WASL: variants seen among roughly 807,000 people sequenced by gnomAD.
The protein encoded by WASL is actin nucleation-promoting factor WASL.
WASL carries 20 observed loss-of-function variants against 55.5 expected under a neutral mutation model. That is an observed-to-expected ratio of 0.36 (90% CI 0.25 to 0.52). The LOEUF (loss-of-function observed/expected upper bound fraction) is 0.52. WASL is among the 20% of genes least tolerant of loss of function. The pLI is 0.92. For synonymous variants in WASL, 249 were observed against 217.6 expected (o/e 1.14, Z -1.27); for missense variants, 504 against 622.5 (o/e 0.81, Z 2.03).
At chr7:123,730,393 A>G (rs1804117381) in intron 1 of WASL, among the ~76,000 whole-genome samples, 1 of 152,196 alleles carries the variant, frequency 6.6e-6, no homozygotes, top group African/African-American at 2.4e-5. Flanking sequence ...TAGATAAATA[A>G]AATTAATGAC....
chr7:123,705,188 G>A (rs1041450670), intron 4 of WASL, among the ~76,000 whole-genome samples: 1 of 152,178 alleles, frequency 6.6e-6, no homozygotes, highest in South Asian at 2.1e-4. Flanking sequence ...GATGGTAGCA[G>A]CAGAAATGGT....
rs1170033945 is a variant in WASL at position 123,702,198 on chromosome 7, G to C, written c.460+2436C>G. Among the ~76,000 whole-genome samples the C allele has an allele frequency of 2.6e-5, 4 of 152,120 alleles. No individual in the cohort carries two copies. In the East Asian group the frequency reaches 7.7e-4, roughly 29 times the overall value. On this transcript the variant is annotated intron_variant, in intron 5 of 10. Transcript: ENST00000223023. ...AGCCTCCCGAGTAGCTGGGATTACAGACATGCGCCACCATGCCCAGCTAAT... is the reference window on the plus strand; with the variant it reads ...AGCCTCCCGAGTAGCTGGGATTACACACATGCGCCACCATGCCCAGCTAAT...
At chr7:123,738,155 C>A (rs1017525261) in intron 1 of WASL, among the ~76,000 whole-genome samples, 1 of 138,254 alleles carries the variant, frequency 7.2e-6, no homozygotes, top group South Asian at 2.8e-4. Context: ...AAAACTATTA[C>A]ACCCATTAAT....
intron 1 of WASL, among the ~76,000 whole-genome samples, chr7:123,721,448 T>C (rs1803941016): frequency 1.3e-5 from 2 of 152,250 alleles, no homozygotes; most frequent in East Asian, 3.9e-4. Context: ...ACAGTTTAAA[T>C]TCAACATACA....
In WASL at chr7:123,699,903, G is replaced by A. The variant is rs542168198; in HGVS notation, c.461-3156C>T. Among the ~76,000 whole-genome samples, 43 of 151,978 alleles carry A rather than the reference G, an allele frequency of 2.8e-4. No homozygotes were observed. In the South Asian group the frequency reaches 3.1e-3, roughly 11 times the overall value. ...GTTAAAACATTATTTAAGGCCGGGC[G>A]CGGTGGCTCACGCCTGTAATCCCAG... On this transcript the variant is annotated intron_variant, in intron 5 of 10. Transcript: ENST00000223023.
Position 123,692,420 on chromosome 7 carries a change from T to C in WASL, c.1274A>G (p.Asn425Ser), listed in dbSNP as rs1803425106. The change falls in exon 9 of 11, where the codon AAC becomes AGC. Residue 425 changes from asparagine to serine, a missense_variant. Around this residue, in one of 5 missense-constraint regions of WASL, gnomAD observed 201 missense variants for 206.2 expected, o/e 0.97. Coordinates refer to ENST00000223023, the MANE Select transcript of WASL (RefSeq NM_003941.4). Reference sequence around the variant, plus strand: ...TCCAGAGCAGGACACTGGCCGACTGTTCTGCTCCACTTTTTTTAGCTGAGC... The same window carrying C: ...TCCAGAGCAGGACACTGGCCGACTGCTCTGCTCCACTTTTTTTAGCTGAGC... ...EGAQLKKVEQ[N>S]SRPVSCSGRD... The C allele has an allele frequency of 1.2e-6, 2 of 1,614,178 alleles. No individual in the cohort carries two copies. Among genetic ancestry groups the C allele is most frequent in the African/African-American group, 2.7e-5 (2 of 75,046 alleles).
chr7:123,730,559 A>T (rs1394472687), intron 1 of WASL, among the ~76,000 whole-genome samples: 2 of 152,184 alleles, frequency 1.3e-5, no homozygotes, highest in Non-Finnish European at 2.9e-5. Context: ...TGTAAACATA[A>T]GTATAACTGC....
chr7:123,711,079 C>A (rs980347238), intron 1 of WASL, among the ~76,000 whole-genome samples: 4 of 152,044 alleles, frequency 2.6e-5, no homozygotes, highest in Non-Finnish European at 4.4e-5. Context: ...AAATGAAGAT[C>A]TAAAAATCTC....
At chr7:123,743,964 C>A (rs1804389721) in intron 1 of WASL, among the ~76,000 whole-genome samples, 1 of 152,222 alleles carries the variant, frequency 6.6e-6, no homozygotes, top group Non-Finnish European at 1.5e-5. Context: ...CTATACTAGA[C>A]AAAGGTATCT....
chr7:123,729,568 G>A (rs992424343), intron 1 of WASL, among the ~76,000 whole-genome samples: 2 of 151,964 alleles, frequency 1.3e-5, no homozygotes, highest in East Asian at 1.9e-4. Context: ...TCTTGTTTTT[G>A]GAAATGAACA....
chr7:123,722,039 A>T (rs1803957712), intron 1 of WASL, among the ~76,000 whole-genome samples: 3 of 152,074 alleles, frequency 2.0e-5, no homozygotes, highest in Non-Finnish European at 4.4e-5. Context: ...GGGTACTGTT[A>T]GTTTCTGGAC....
rs1020507125 is a variant in WASL at position 123,682,112 on chromosome 7, G to A, written c.*2407C>T. The A allele has an allele frequency of 6.6e-6, 1 of 152,088 alleles. No individual in the cohort carries two copies. Among genetic ancestry groups the A allele is most frequent in the African/African-American group, 2.4e-5 (1 of 41,408 alleles). The allele number at this position is 152,088 out of a possible 1,614,324, so 9.4% of individuals were successfully genotyped here. ...ATGAATCTCATACATACAATATGTG[G>A]CTAGCTGAAATTGTCTATCACGTAG... On this transcript the variant is annotated 3_prime_UTR_variant, in exon 11 of 11. Transcript: ENST00000223023.
At chr7:123,703,621 C>A (rs886370641) in intron 5 of WASL, among the ~76,000 whole-genome samples, 3 of 152,012 alleles carry the variant, frequency 2.0e-5, no homozygotes, top group Non-Finnish European at 2.9e-5. Flanking sequence ...GGTAAACAAC[C>A]CAGAATTTAA....
chr7:123,704,721 A>G, intron 4 of WASL, 64 bp from the exon 5 acceptor site: 1 of 1,111,308 alleles, frequency 9.0e-7, no homozygotes, highest in Non-Finnish European at 1.2e-6. Flanking sequence ...ACATAAAAAA[A>G]TTAATTCACT....
intron 4 of WASL, among the ~76,000 whole-genome samples, chr7:123,705,531 T>C (rs1803655223): frequency 6.6e-6 from 1 of 152,206 alleles, no homozygotes; most frequent in Admixed American, 6.5e-5. Flanking sequence ...TAGGACTGGA[T>C]GAAAGCACAT....
chr7:123,715,106 T>G (rs1399074212), intron 1 of WASL, among the ~76,000 whole-genome samples: 8 of 152,216 alleles, frequency 5.3e-5, no homozygotes, highest in Non-Finnish European at 8.8e-5. Context: ...TTGGAAACCT[T>G]GACTGGAGAT....
In WASL at chr7:123,698,099, T is replaced by C. The variant is rs532296753; in HGVS notation, c.461-1352A>G. Among the ~76,000 whole-genome samples the C allele has an allele frequency of 3.5e-4, 53 of 152,208 alleles. No homozygotes were observed. In the South Asian group the frequency reaches 0.011, roughly 30 times the overall value. ...AACTTCATCCCATGTGTCTTTCCCT[T>C]TGCTGATTTTGTTTTATATGTGTTT... On this transcript the variant is annotated intron_variant, in intron 5 of 10. Transcript: ENST00000223023.
intron 7 of WASL, among the ~76,000 whole-genome samples, chr7:123,695,247 T>C (rs1348545432): frequency 6.6e-6 from 1 of 152,166 alleles, no homozygotes; most frequent in Non-Finnish European, 1.5e-5. Context: ...CCCAAGCACC[T>C]TGCACAATGC....
intron 1 of WASL, among the ~76,000 whole-genome samples, chr7:123,743,074 C>T (rs1804371307): frequency 6.6e-6 from 1 of 152,166 alleles, no homozygotes; most frequent in Non-Finnish European, 1.5e-5. Context: ...CAGTGGCTCA[C>T]ACCTGTAATC....
Sources: gnomAD v4.1 joint callset for allele counts (sites outside exome capture counted in the v4.1 genomes callset) on GRCh38, gnomAD v4.1.1 for gene constraint, gnomAD v4.1.1 regional missense constraint, MANE v1.5 for transcripts, NCBI Gene and HGNC (gene_info 2026-07-23, HGNC 2026-07-21) for gene names.